Variants in SLC24A3 observed in about 807,000 individuals in gnomAD.
The protein encoded by SLC24A3 is solute carrier family 24 member 3.
In SLC24A3, 28 loss-of-function variants were observed where a neutral mutation model predicts 75.8. The ratio of observed to expected loss-of-function variants is 0.37; its 90% confidence interval spans 0.27 to 0.51. SLC24A3 has a LOEUF of 0.51. Among genes scored for constraint, SLC24A3 ranks in the 20% least tolerant of loss-of-function variants. The pLI is 0.94. For synonymous variants in SLC24A3, 372 were observed against 334.1 expected (o/e 1.11, Z -1.24); for missense variants, 663 against 847.8 (o/e 0.78, Z 2.71).
chr20:19,448,449 G>A (rs1316833586), intron 2 of SLC24A3, among the ~76,000 whole-genome samples: 1 of 152,150 alleles, frequency 6.6e-6, no homozygotes, highest in Admixed American at 6.5e-5. Flanking sequence ...CCAAATGCAA[G>A]CCTCGTCCGC....
chr20:19,551,745 A>G (rs958524614), intron 3 of SLC24A3, among the ~76,000 whole-genome samples: 1 of 152,000 alleles, frequency 6.6e-6, no homozygotes, highest in Admixed American at 6.6e-5. Flanking sequence ...CTTTCTTCCC[A>G]TAGGACATGC....
intron 6 of SLC24A3, among the ~76,000 whole-genome samples, chr20:19,613,917 A>G (rs1200790737): frequency 6.6e-6 from 1 of 152,160 alleles, no homozygotes; most frequent in Non-Finnish European, 1.5e-5. Context: ...CTATATTAAG[A>G]TGTGAAATTC....
At chr20:19,444,913 A>G (rs6112386) in intron 2 of SLC24A3, among the ~76,000 whole-genome samples, 81,233 of 151,636 alleles carry the variant, frequency 0.54, 23,889 homozygotes, top group East Asian at 0.93. Flanking sequence ...ACTTTCCTAA[A>G]GTAGATGCTT....
intron 6 of SLC24A3, among the ~76,000 whole-genome samples, chr20:19,620,380 G>T (rs1388368630): frequency 6.6e-6 from 1 of 152,206 alleles, no homozygotes; most frequent in Admixed American, 6.5e-5. Context: ...CAAATTCAAG[G>T]CTCTTTCAAA....
At chr20:19,401,774 C>G (rs1212803078) in intron 2 of SLC24A3, among the ~76,000 whole-genome samples, 1 of 152,128 alleles carries the variant, frequency 6.6e-6, no homozygotes, top group Admixed American at 6.5e-5. Flanking sequence ...TCCAAGAATC[C>G]CTCTCAAATG....
chr20:19,531,833 A>G (rs1171743029), intron 3 of SLC24A3, among the ~76,000 whole-genome samples: 2 of 152,264 alleles, frequency 1.3e-5, no homozygotes, highest in East Asian at 3.9e-4. Context: ...CGTGGAGATC[A>G]GAGTGTCCCA....
At chr20:19,354,624 A>G (rs2143852) in intron 2 of SLC24A3, among the ~76,000 whole-genome samples, 48,667 of 124,058 alleles carry the variant, frequency 0.39, 8,064 homozygotes, top group Middle Eastern at 0.52. Flanking sequence ...GTGTGTGTGT[A>G]TGTGTGTATG....
intron 3 of SLC24A3, among the ~76,000 whole-genome samples, chr20:19,555,633 A>G (rs2030770393): frequency 6.6e-6 from 1 of 152,190 alleles, no homozygotes; most frequent in African/African-American, 2.4e-5. Context: ...TCTGTCTTCT[A>G]TGGACCTCAG....
intron 2 of SLC24A3, among the ~76,000 whole-genome samples, chr20:19,294,671 TTATC>T (rs1205289127): frequency 1.3e-5 from 2 of 152,254 alleles, no homozygotes; most frequent in Non-Finnish European, 2.9e-5. Context: ...CACATTTTCT[TTATC>T]TAGCCTGTCA....
chr20:19,372,956 A>G (rs1359739222), intron 2 of SLC24A3, among the ~76,000 whole-genome samples: 2 of 152,198 alleles, frequency 1.3e-5, no homozygotes, highest in Non-Finnish European at 2.9e-5. Flanking sequence ...TGGTGGCCCC[A>G]GGGCTGGATG....
chr20:19,580,826 C>A (rs60327107), intron 4 of SLC24A3, among the ~76,000 whole-genome samples: 10,169 of 152,220 alleles, frequency 0.067, 389 homozygotes, highest in South Asian at 0.13. Context: ...CTCCCCCAGA[C>A]ACATCTGTCG....
At chr20:19,494,224 G>T (rs1049695800) in intron 2 of SLC24A3, among the ~76,000 whole-genome samples, 9 of 152,226 alleles carry the variant, frequency 5.9e-5, no homozygotes, top group African/African-American at 1.9e-4. Context: ...ACCCAAATAA[G>T]TCATGCCTGT....
chr20:19,365,496 T>C (rs1424799644), intron 2 of SLC24A3, among the ~76,000 whole-genome samples: 1 of 152,190 alleles, frequency 6.6e-6, no homozygotes, highest in East Asian at 1.9e-4. Flanking sequence ...TAGCAGAGTT[T>C]CTATATGGGA....
chr20:19,650,196 A>C (rs2122706339), intron 6 of SLC24A3, among the ~76,000 whole-genome samples: 1 of 152,312 alleles, frequency 6.6e-6, no homozygotes, highest in East Asian at 1.9e-4. Context: ...GATTTTGCTA[A>C]GGGTAGGCTC....
rs1244253861 is a variant in SLC24A3, at chr20:19,549,105, C to A, written c.349-30895C>A. ...ACATGAGACAAAAGGTCTTTATGGA[C>A]CAAGCCTGAGAGTGGTACCTGTCAC... On this transcript the variant is annotated intron_variant, in intron 3 of 16. Coordinates refer to ENST00000328041, the MANE Select transcript of SLC24A3 (RefSeq NM_020689.4). Among the ~76,000 whole-genome samples, 5 of 152,168 alleles carry A rather than the reference C, an allele frequency of 3.3e-5. No homozygotes were observed. The East Asian group carries it at 7.7e-4, about 24-fold the overall frequency.
At chr20:19,667,432 C>T (rs1397943094) in intron 8 of SLC24A3, among the ~76,000 whole-genome samples, 1 of 152,162 alleles carries the variant, frequency 6.6e-6, no homozygotes, top group African/African-American at 2.4e-5. Flanking sequence ...TAAAGTGCAG[C>T]ACAAGAAAAC....
chr20:19,693,665 C>T (rs2032772860), intron 13 of SLC24A3: 1 of 450,664 alleles, frequency 2.2e-6, no homozygotes. Context: ...AGCTCTGCTT[C>T]AGGCTTCAGG....
chr20:19,376,559 T>C (rs911358676), intron 2 of SLC24A3, among the ~76,000 whole-genome samples: 1 of 152,034 alleles, frequency 6.6e-6, no homozygotes, highest in Non-Finnish European at 1.5e-5. Flanking sequence ...TTCCCCAGCA[T>C]GAGCCAGCCA....
At chr20:19,359,399 A>T (rs1205432329) in intron 2 of SLC24A3, among the ~76,000 whole-genome samples, 1 of 151,944 alleles carries the variant, frequency 6.6e-6, no homozygotes, top group African/African-American at 2.4e-5. Context: ...TTCTCTCCCC[A>T]CTGAGGAGCC....
Sources: allele counts gnomAD v4.1 joint callset (sites outside exome capture counted in the v4.1 genomes callset), GRCh38; gene constraint gnomAD v4.1.1; transcripts MANE v1.5; gene names NCBI Gene and HGNC (gene_info 2026-07-23, HGNC 2026-07-21).